CNBD1: variants seen among roughly 807,000 people sequenced by gnomAD.
CNBD1 encodes the protein cyclic nucleotide binding domain containing 1.
A neutral mutation model predicts 54.4 loss-of-function variants in CNBD1; 71 were observed. That is an observed-to-expected ratio of 1.30 (90% CI 1.08 to 1.59). CNBD1 has a LOEUF of 1.59. Ranked by LOEUF, CNBD1 falls within the 40% of genes most tolerant of loss-of-function variation. CNBD1 has a pLI of 0.00. For synonymous variants in CNBD1, 182 were observed against 170.7 expected (o/e 1.07, Z -0.51); for missense variants, 659 against 518.0 (o/e 1.27, Z -2.64).
chr8:87,327,575 G>A (rs1006628436), intron 8 of CNBD1, among the ~76,000 whole-genome samples: 9 of 152,124 alleles, frequency 5.9e-5, no homozygotes, highest in African/African-American at 1.2e-4. Flanking sequence ...TTCCAGGTGC[G>A]TCAGTCACCC....
chr8:86,949,955 T>TTTG lies in CNBD1; in HGVS notation c.431+10203_431+10204insGTT, dbSNP rs201226519. Among the ~76,000 whole-genome samples, 15 of 38,486 alleles carry TTTG rather than the reference T, an allele frequency of 3.9e-4. 7 individuals are homozygous for TTTG. The highest frequency in any genetic ancestry group is 3.3e-3 in the Admixed American group (10 of 2,994). 25.2% of individuals were successfully genotyped at this position (38,486 alleles called of 152,430 possible). On this transcript the variant is annotated intron_variant, in intron 4 of 10. Coordinates refer to ENST00000518476, the MANE Select transcript of CNBD1 (RefSeq NM_173538.3). ...TTATACTTCATCAAATGCTTTTTTTTTTTTTTTTTTTTTTTTTTTGAGATG... is the reference window on the plus strand; with the variant it reads ...TTATACTTCATCAAATGCTTTTTTTTTTGTTTTTTTTTTTTTTTTTTTGAGATG...
chr8:87,032,120 G>T (rs2130595792), intron 4 of CNBD1, among the ~76,000 whole-genome samples: 1 of 152,254 alleles, frequency 6.6e-6, no homozygotes, highest in South Asian at 2.1e-4. Flanking sequence ...TTTGAAAGAA[G>T]GTTCTTAATG....
intron 6 of CNBD1, among the ~76,000 whole-genome samples, chr8:87,259,486 T>C (rs1164855658): frequency 6.6e-6 from 1 of 152,234 alleles, no homozygotes; most frequent in Non-Finnish European, 1.5e-5. Context: ...AAGCTGTTCT[T>C]ATTTCCCAAA....
chr8:87,059,151 C>T (rs1173365409), intron 4 of CNBD1, among the ~76,000 whole-genome samples: 4 of 152,188 alleles, frequency 2.6e-5, no homozygotes, highest in Non-Finnish European at 5.9e-5. Flanking sequence ...TCTGAGACCA[C>T]CAAAGCCTTG....
intron 4 of CNBD1, among the ~76,000 whole-genome samples, chr8:87,069,533 T>C (rs543996724): frequency 6.6e-6 from 1 of 152,208 alleles, no homozygotes; most frequent in South Asian, 2.1e-4. Flanking sequence ...ATAGCCTAGG[T>C]GTATAGTAGG....
At chr8:87,224,195 C>T (rs1275044642) in intron 5 of CNBD1, among the ~76,000 whole-genome samples, 1 of 151,640 alleles carries the variant, frequency 6.6e-6, no homozygotes, top group African/African-American at 2.4e-5. Context: ...TGTAGGTTGC[C>T]TGTTCACTCT....
intron 6 of CNBD1, among the ~76,000 whole-genome samples, chr8:87,254,455 G>A (rs761098748): frequency 1.1e-4 from 17 of 152,160 alleles, no homozygotes; most frequent in Non-Finnish European, 1.6e-4. Context: ...AATAGGAAAA[G>A]GAATATTATT....
At chr8:87,384,262 G>A (rs1247208584), downstream of CNBD1, among the ~76,000 whole-genome samples, 1 of 152,038 alleles carries the variant, frequency 6.6e-6, no homozygotes, top group Non-Finnish European at 1.5e-5. Context: ...TCTTTCAACA[G>A]ACATTTATTG....
chr8:87,164,092 T>C (rs1812912400), intron 4 of CNBD1, among the ~76,000 whole-genome samples: 1 of 151,988 alleles, frequency 6.6e-6, no homozygotes, highest in Non-Finnish European at 1.5e-5. Context: ...CTGTGGTATA[T>C]TACATTGTTG....
chr8:87,073,500 G>C (rs1810802235), intron 4 of CNBD1, among the ~76,000 whole-genome samples: 1 of 152,122 alleles, frequency 6.6e-6, no homozygotes. Flanking sequence ...CTTTGTTATG[G>C]ATGTTGTGTT....
intron 8 of CNBD1, among the ~76,000 whole-genome samples, chr8:87,303,584 C>T (rs1409002830): frequency 6.6e-6 from 1 of 152,102 alleles, no homozygotes; most frequent in Non-Finnish European, 1.5e-5. Flanking sequence ...TGGGCAAGGT[C>T]TTCATGTCTA....
intron 6 of CNBD1, among the ~76,000 whole-genome samples, chr8:87,254,576 T>C (rs114877591): frequency 8.5e-5 from 13 of 152,298 alleles, no homozygotes; most frequent in African/African-American, 3.1e-4. Flanking sequence ...AGTATAGATA[T>C]GCATGTAGAG....
intron 6 of CNBD1, among the ~76,000 whole-genome samples, chr8:87,278,396 TG>T (rs1236814517): frequency 6.6e-6 from 1 of 151,278 alleles, no homozygotes; most frequent in African/African-American, 2.4e-5. Flanking sequence ...ATTAAACTAA[TG>T]TAAATCAAAG....
rs1236045482 is a variant in CNBD1 at position 86,979,021 on chromosome 8, C to T, written c.431+39267C>T. 4.0e-5 allele frequency among the ~76,000 whole-genome samples: 6 copies of T among 151,776 alleles called. No individual in the cohort carries two copies. In the East Asian group the frequency reaches 5.8e-4, roughly 15 times the overall value. On this transcript the variant is annotated intron_variant, in intron 4 of 10. Transcript: ENST00000518476. ...CATGGTAGTAATGTTAAGATTATGT[C>T]GTAATGTTAAGATTATGACTTGTAA...
At chr8:86,954,201 A>G (rs887658913) in intron 4 of CNBD1, among the ~76,000 whole-genome samples, 2 of 152,238 alleles carry the variant, frequency 1.3e-5, no homozygotes, top group African/African-American at 4.8e-5. Flanking sequence ...AGAGAAAGCA[A>G]CATTTCACCC....
At chr8:87,160,962 G>C (rs192058835) in intron 4 of CNBD1, among the ~76,000 whole-genome samples, 2 of 152,126 alleles carry the variant, frequency 1.3e-5, no homozygotes, top group East Asian at 1.9e-4. Flanking sequence ...TGGCTTAACT[G>C]TTCTAACAAA....
chr8:87,061,939 T>A (rs373111210), intron 4 of CNBD1, among the ~76,000 whole-genome samples: 1 of 152,180 alleles, frequency 6.6e-6, no homozygotes, highest in South Asian at 2.1e-4. Flanking sequence ...AATGAAGTGA[T>A]CAATGCTTTT....
Position 87,211,935 on chromosome 8 carries a change from G to T in CNBD1, c.577+5797G>T, listed in dbSNP as rs75500675. On this transcript the variant is annotated intron_variant, in intron 5 of 10. Coordinates refer to ENST00000518476, the MANE Select transcript of CNBD1 (RefSeq NM_173538.3). ...TCAAAGGAAGGATAACTTGAAGAAGGATAACTAAAATAAATTAATGTATTA... is the reference window on the plus strand; with the variant it reads ...TCAAAGGAAGGATAACTTGAAGAAGTATAACTAAAATAAATTAATGTATTA... 7.0e-3 allele frequency among the ~76,000 whole-genome samples: 1,064 copies of T among 152,196 alleles called. 12 individuals carry two copies. Among genetic ancestry groups the T allele is most frequent in the African/African-American group, 0.024 (991 of 41,538 alleles).
At chr8:87,006,556 G>A (rs1809101572) in intron 4 of CNBD1, among the ~76,000 whole-genome samples, 1 of 152,036 alleles carries the variant, frequency 6.6e-6, no homozygotes, top group Non-Finnish European at 1.5e-5. Flanking sequence ...AGGTGAAGTG[G>A]GAGTAGGCAC....
Sources: allele counts gnomAD v4.1 joint callset (sites outside exome capture counted in the v4.1 genomes callset), GRCh38; gene constraint gnomAD v4.1.1; transcripts MANE v1.5; gene names NCBI Gene and HGNC (gene_info 2026-07-23, HGNC 2026-07-21).